The following GAMT variants were observed in gnomAD, a reference collection of about 807,000 sequenced individuals.
GAMT encodes epididymis secretory protein Li 20.
A neutral mutation model predicts 26.9 loss-of-function variants in GAMT; 26 were observed. That is an observed-to-expected ratio of 0.97 (90% CI 0.71 to 1.34). The LOEUF is 1.34. GAMT is among the 40% of genes most tolerant of loss of function. The pLI is 0.00. For missense variants in GAMT, 412 were observed against 345.0 expected, an observed-to-expected ratio of 1.19 and a Z score of -1.54; for synonymous variants, 169 against 149.6, an observed-to-expected ratio of 1.13 and a Z score of -0.95.
chr19:1,400,198 G>GGTGTGGGGCA (rs1396756076), intron 1 of GAMT, among the ~76,000 whole-genome samples: 1 of 134,996 alleles, frequency 7.4e-6, no homozygotes, highest in African/African-American at 3.4e-5. Flanking sequence ...AGGAGGAGGG[G>GGTGTGGGGCA]ATGCAGGGCT....
chr19:1,397,460 T>C lies in GAMT; in HGVS notation c.610A>G (p.Arg204Gly), dbSNP rs757914548. The stretch of plus-strand genomic sequence containing the variant: ...ATCACCTCCGTACGGATGTTCTCCC[T>C]CCGGAAGCCGGCCTCCAGCAGCGCG... ...VPALLEAGFR[R>G]ENIRTEVMAL... Residue 204 changes from arginine to glycine, a missense_variant, in exon 6 of 6, where the codon AGG becomes GGG. Physicochemically the swap from Arg to Gly is moderately radical, Grantham distance 125. Coordinates refer to ENST00000252288, the MANE Select transcript of GAMT (RefSeq NM_000156.6). The C allele has an allele frequency of 3.7e-6, 6 of 1,608,844 alleles. No homozygotes were observed. The East Asian group carries it at 1.3e-4, about 36-fold the overall frequency.
rs565109128 is a variant in GAMT, at chr19:1,397,483, G to A, written c.587C>T (p.Ala196Val). Residue 196 changes from alanine (A) to valine (V), a missense_variant, in exon 6 of 6, where the codon GCG becomes GTG. Ala to Val is a moderately conservative substitution (Grantham distance 64). Coordinates refer to ENST00000252288, the MANE Select transcript of GAMT (RefSeq NM_000156.6). ...TIMFEETQVP[A>V]LLEAGFRREN... ...CCTCCGGAAGCCGGCCTCCAGCAGCGCGGGCACCTGCGTCTCCTGGTCGGG... is the reference window on the plus strand; with the variant it reads ...CCTCCGGAAGCCGGCCTCCAGCAGCACGGGCACCTGCGTCTCCTGGTCGGG... 132 of 1,605,296 alleles carry A rather than the reference G, an allele frequency of 8.2e-5. No individual in the cohort carries two copies. Among genetic ancestry groups the A allele is most frequent in the Non-Finnish European group, 1.0e-4 (123 of 1,179,840 alleles).
At chr19:1,400,126 T>G (rs900771627) in intron 1 of GAMT, among the ~76,000 whole-genome samples, 188 bp from the exon 2 acceptor site, 8 of 9,424 alleles carry the variant, frequency 8.5e-4, no homozygotes, top group Admixed American at 4.4e-3. Flanking sequence ...GGAGGGGGTG[T>G]GGGGCAATGC....
intron 1 of GAMT, among the ~76,000 whole-genome samples, chr19:1,400,247 G>T (rs544796686): frequency 1.6e-3 from 238 of 147,034 alleles, no homozygotes; most frequent in African/African-American, 5.7e-3. Context: ...GAGCAGGGCT[G>T]GGGAGGCTTC....
At chr19:1,398,294 TGCCATGTTG>T (rs2082611955) in intron 5 of GAMT, 1 of 181,770 alleles carries the variant, frequency 5.5e-6, no homozygotes, top group Non-Finnish European at 1.1e-5. Flanking sequence ...GATGGGATTC[TGCCATGTTG>T]GCCAGGCTAG....
chr19:1,398,663 T>A, intron 5 of GAMT: 1 of 1,331,856 alleles, frequency 7.5e-7, no homozygotes, highest in Non-Finnish European at 1.0e-6. Context: ...AGGCTGGTCT[T>A]GAACTCCTAG....
intron 1 of GAMT, 142 bp from the exon 2 acceptor site, chr19:1,400,080 G>C (rs1187817829): frequency 1.0e-6 from 1 of 967,326 alleles, no homozygotes; most frequent in Non-Finnish European, 1.5e-6. Context: ...TGCCTGGAGG[G>C]GGGCGTGCAG....
rs760101382 is a variant in GAMT at position 1,398,995 on chromosome 19, C to T, written c.491G>A (p.Gly164Asp). The change falls in exon 5 of 6, where the codon GGC (glycine) becomes GAC (aspartate). Residue 164 changes from glycine to aspartate, a missense_variant. Gly to Asp is a moderately conservative substitution (Grantham distance 94). Coordinates refer to ENST00000252288, the MANE Select transcript of GAMT (RefSeq NM_000156.6). ...NHAFRLLKPGGVLTYCNLTSW... is the reference protein window; with the variant it reads ...NHAFRLLKPGDVLTYCNLTSW... ...GGTGAGGTTGCAGTAGGTGAGGACG[C>T]CCCCCGGCTTCAGCAGGCGAAAGGC... 7.4e-6 allele frequency: 12 copies of T among 1,613,230 alleles called. No homozygotes were observed. Among genetic ancestry groups the T allele is most frequent in the Admixed American group, 1.7e-5 (1 of 59,992 alleles).
At chr19:1,400,425 A>G (rs2082627353) in intron 1 of GAMT, among the ~76,000 whole-genome samples, 1 of 152,166 alleles carries the variant, frequency 6.6e-6, no homozygotes, top group African/African-American at 2.4e-5. Context: ...GAGCGGGAAC[A>G]GCGTGGGCCC....
At chr19:1,400,897 T>C (rs1484980595) in intron 1 of GAMT, among the ~76,000 whole-genome samples, 1 of 152,198 alleles carries the variant, frequency 6.6e-6, no homozygotes, top group African/African-American at 2.4e-5. Flanking sequence ...GTGCTATTCT[T>C]AGCCGGGCGA....
At chr19:1,398,020 A>C in intron 5 of GAMT, 1 of 1,032,384 alleles carries the variant, frequency 9.7e-7, no homozygotes, top group South Asian at 3.6e-5. Context: ...GGGAACACGC[A>C]GGGCTTAGGC....
At position 1,399,070 on chromosome 19, in the gene GAMT, G is replaced by T; in HGVS notation, c.460-44C>A. On this transcript the variant is annotated intron_variant, in intron 4 of 5. Coordinates refer to ENST00000252288, the MANE Select transcript of GAMT (RefSeq NM_000156.6). This position sits in a 1 kb window ranked among gnomAD's most constrained non-coding sequence, Gnocchi z 6.2. ...CAGTGGTCAGGACGGAGGTGGGGGTGTGGGCAGAGGGGCTTCCCCGAGGGC... is the reference window on the plus strand; with the variant it reads ...CAGTGGTCAGGACGGAGGTGGGGGTTTGGGCAGAGGGGCTTCCCCGAGGGC... 1.2e-6 allele frequency: 2 copies of T among 1,613,378 alleles called. No homozygotes were observed. The highest frequency in any genetic ancestry group is 2.2e-5 in the South Asian group (2 of 91,086).
At position 1,399,258 on chromosome 19, in the gene GAMT, C is replaced by A. The variant is rs1196041616; in HGVS notation, c.392-63G>T. 3 of 1,561,720 alleles carry A rather than the reference C, an allele frequency of 1.9e-6. No homozygotes were observed. In the South Asian group the frequency reaches 3.3e-5, roughly 17 times the overall value. ...GCTCAGCGCCTCACCCAGCCTCACC[C>A]GGCTCATCCCCCAGCGGGTGGAGGT... On this transcript the variant is annotated intron_variant, in intron 3 of 5. Coordinates refer to ENST00000252288, the MANE Select transcript of GAMT (RefSeq NM_000156.6). This position sits in a 1 kb window ranked among gnomAD's most constrained non-coding sequence, Gnocchi z 6.2.
At chr19:1,397,562 C>T in intron 5 of GAMT, 63 bp from the exon 6 acceptor site, 4 of 1,590,410 alleles carry the variant, frequency 2.5e-6, no homozygotes, top group South Asian at 1.1e-5. Context: ...CCCTGGCGCC[C>T]ACCCCTCATT....
At chr19:1,398,866 C>A (rs1387969669) in intron 5 of GAMT, 50 bp downstream of exon 5, 2 of 1,607,204 alleles carry the variant, frequency 1.2e-6, no homozygotes, top group South Asian at 1.1e-5. Context: ...TTCCCACCCC[C>A]ATCCAAGGTC....
In GAMT at chr19:1,397,042, A is replaced by C; in HGVS notation, c.*317T>G. 5.7e-6 allele frequency: 2 copies of C among 350,620 alleles called. No individual in the cohort carries two copies. Among genetic ancestry groups the C allele is most frequent in the Non-Finnish European group, 1.1e-5 (2 of 184,416 alleles). 21.7% of individuals were successfully genotyped at this position (350,620 alleles called of 1,614,324 possible). A position where few individuals can be genotyped will look rare whatever the true frequency, so the allele number is the denominator to read the frequency against. On this transcript the variant is annotated 3_prime_UTR_variant, in exon 6 of 6. Coordinates refer to ENST00000252288, the MANE Select transcript of GAMT (RefSeq NM_000156.6). ...CACCCACTTTTCCTGTGTCCATGGG[A>C]TGGGCGGGAGGTGAGGGAGCAGCCG...
rs1228556317 is a variant in GAMT, at chr19:1,401,298, T to G, written c.179A>C (p.Lys60Thr). The change falls in exon 1 of 6, where the codon AAA (lysine) becomes ACA (threonine). Residue 60 changes from lysine (K) to threonine (T), a missense_variant and splice_region_variant. By Grantham distance (78) the Lys-to-Thr change is moderately conservative. Coordinates refer to ENST00000252288, the MANE Select transcript of GAMT (RefSeq NM_000156.6). ...MHALAAAASS[K>T]GGRVLEVGFG... ...GGTGCAGGCCGGGCGGGGGCTACCTTTGGAGGAGGCGGCGGCGGCCAGCGC... is the reference window on the plus strand; with the variant it reads ...GGTGCAGGCCGGGCGGGGGCTACCTGTGGAGGAGGCGGCGGCGGCCAGCGC... 6.6e-7 allele frequency: 1 copy of G among 1,504,856 alleles called. No homozygotes were observed. The highest frequency in any genetic ancestry group is 8.8e-7 in the Non-Finnish European group (1 of 1,132,490). 93.2% of individuals were successfully genotyped at this position (1,504,856 alleles called of 1,614,324 possible).
chr19:1,399,691 C>T lies in GAMT; in HGVS notation c.327+102G>A. 6.6e-7 allele frequency: 1 copy of T among 1,520,780 alleles called. No homozygotes were observed. The highest frequency in any genetic ancestry group is 8.8e-7 in the Non-Finnish European group (1 of 1,130,068). 94.2% of individuals were successfully genotyped at this position (1,520,780 alleles called of 1,614,324 possible). A position where few individuals can be genotyped will look rare whatever the true frequency, so the allele number is the denominator to read the frequency against. On this transcript the variant is annotated intron_variant, in intron 2 of 5. Coordinates refer to ENST00000252288, the MANE Select transcript of GAMT (RefSeq NM_000156.6). The surrounding 1 kb of genome is among the most constrained non-coding windows in gnomAD (Gnocchi z 6.2). ...CAGGGGGACTCCCGAGAGAGAAGAC[C>T]ACCTCCTCCACCTCTGACAGCCCCA...
In GAMT at chr19:1,401,332, A is replaced by AG. The variant is rs2082632611; in HGVS notation, c.144dup (p.Tyr49LeufsTer36). 3 of 1,532,690 alleles carry AG rather than the reference A, an allele frequency of 2.0e-6. No homozygotes were observed. Among genetic ancestry groups the AG allele is most frequent in the East Asian group, 5.3e-5 (2 of 38,022 alleles). 94.9% of individuals were successfully genotyped at this position (1,532,690 alleles called of 1,614,324 possible). ...GCGGCGGCGGCCAGCGCGTGCATAT[A>AG]GGGGGTCTCCCAGCGCTCCATCACC... On this transcript the variant is annotated frameshift_variant, in exon 1 of 6. Transcript: ENST00000252288. LOFTEE classifies it high-confidence loss of function.
Sources: allele counts gnomAD v4.1 joint callset (sites outside exome capture counted in the v4.1 genomes callset), GRCh38; gene constraint gnomAD v4.1.1; non-coding constraint Gnocchi (gnomAD v3.1); transcripts MANE v1.5; gene names NCBI Gene and HGNC (gene_info 2026-07-23, HGNC 2026-07-21).